MALRD1: variants seen among roughly 807,000 people sequenced by gnomAD.
MALRD1 encodes MAM and LDL receptor class A domain containing 1.
In MALRD1, 247 loss-of-function variants were observed where a neutral mutation model predicts 242.1. The ratio of observed to expected loss-of-function variants is 1.02; its 90% CI spans 0.92 to 1.13. The LOEUF (loss-of-function observed/expected upper bound fraction) is 1.13, where lower values mean the gene tolerates loss of function less well. Among genes scored for constraint, MALRD1 ranks in the 50% most tolerant of loss-of-function variants. The pLI is 0.00. For missense variants in MALRD1, 2,989 were observed against 2,533.1 expected, an observed-to-expected ratio of 1.18 and a Z score of -3.86; for synonymous variants, 995 against 866.6, an observed-to-expected ratio of 1.15 and a Z score of -2.60.
chr10:19,523,912 T>C (rs537088093), intron 31 of MALRD1, among the ~76,000 whole-genome samples: 2 of 152,318 alleles, frequency 1.3e-5, no homozygotes, highest in East Asian at 1.9e-4. Flanking sequence ...AAAGTGTTTT[T>C]ATTTAAGAGG....
chr10:19,662,772 T>G (rs1048790627), intron 36 of MALRD1, among the ~76,000 whole-genome samples: 1 of 152,048 alleles, frequency 6.6e-6, no homozygotes, highest in African/African-American at 2.4e-5. Context: ...CCCATGCCAA[T>G]TCCATAACAA....
intron 12 of MALRD1, among the ~76,000 whole-genome samples, chr10:19,156,577 A>C (rs1834156043): frequency 6.6e-6 from 1 of 151,740 alleles, no homozygotes; most frequent in African/African-American, 2.4e-5. Flanking sequence ...CAAATGTTAG[A>C]TATATAGAAA....
At chr10:19,714,771 G>A (rs1014237976) in intron 38 of MALRD1, among the ~76,000 whole-genome samples, 6 of 152,018 alleles carry the variant, frequency 3.9e-5, no homozygotes, top group South Asian at 2.1e-4. Context: ...CATGCGGATC[G>A]CATCTTTTAT....
intron 29 of MALRD1, among the ~76,000 whole-genome samples, chr10:19,465,882 C>G (rs535014653): frequency 6.6e-6 from 1 of 152,180 alleles, no homozygotes; most frequent in Non-Finnish European, 1.5e-5. Context: ...AAACCTAAAC[C>G]TTTCTTATAA....
intron 31 of MALRD1, among the ~76,000 whole-genome samples, chr10:19,502,657 A>G (rs138294641): frequency 6.6e-6 from 1 of 152,302 alleles, no homozygotes; most frequent in Non-Finnish European, 1.5e-5. Context: ...ATTTTCATTT[A>G]TTCTGCTAAG....
chr10:19,491,517 T>C lies in MALRD1; in HGVS notation c.5030T>C (p.Val1677Ala), dbSNP rs1018774107. 1.6e-5 allele frequency: 25 copies of C among 1,549,470 alleles called. No individual in the cohort carries two copies. Among genetic ancestry groups the C allele is most frequent in the Non-Finnish European group, 2.1e-5 (24 of 1,146,620 alleles). The change falls in exon 30 of 40, where the codon GTG becomes GCG. Residue 1677 changes from valine (V) to alanine (A), a missense_variant and splice_region_variant. Physicochemically the swap from Val to Ala is moderately conservative, Grantham distance 64. Transcript: ENST00000454679. The stretch of plus-strand genomic sequence containing the variant: ...CTTTTGTTTTTTTGTTTTTCCCTAG[T>C]GGGAGAGATCTCTGAGCTTTGTCCG... ...DDIEFKNCTTVGEISELCPEI... is the reference protein window; with the variant it reads ...DDIEFKNCTTAGEISELCPEI...
At chr10:19,242,477 A>G (rs1266069376) in intron 18 of MALRD1, among the ~76,000 whole-genome samples, 2 of 151,820 alleles carry the variant, frequency 1.3e-5, no homozygotes, top group Admixed American at 1.3e-4. Flanking sequence ...TTTTTGGTTG[A>G]TTTTCTCTTC....
chr10:19,675,645 A>G (rs995390710), intron 36 of MALRD1, among the ~76,000 whole-genome samples: 4 of 152,228 alleles, frequency 2.6e-5, no homozygotes, highest in African/African-American at 7.2e-5. Context: ...TAATTATTAA[A>G]TGAGATAATA....
intron 2 of MALRD1, among the ~76,000 whole-genome samples, chr10:19,068,838 T>G (rs1255793838): frequency 6.6e-6 from 1 of 152,180 alleles, no homozygotes; most frequent in Non-Finnish European, 1.5e-5. Flanking sequence ...TTTCATTATG[T>G]AACCAATGCC....
intron 19 of MALRD1, among the ~76,000 whole-genome samples, chr10:19,271,647 C>A (rs941320795): frequency 6.6e-6 from 1 of 152,062 alleles, no homozygotes; most frequent in Non-Finnish European, 1.5e-5. Flanking sequence ...CCTGTAGTCC[C>A]AGCTACTTGG....
chr10:19,513,438 T>C (rs1833490615), intron 31 of MALRD1, among the ~76,000 whole-genome samples: 1 of 151,824 alleles, frequency 6.6e-6, no homozygotes, highest in Admixed American at 6.6e-5. Flanking sequence ...TTTTTTTTTT[T>C]TTTGAAAATT....
intron 18 of MALRD1, among the ~76,000 whole-genome samples, chr10:19,256,961 C>T (rs1456777366): frequency 6.6e-6 from 1 of 152,036 alleles, no homozygotes; most frequent in Non-Finnish European, 1.5e-5. Flanking sequence ...AAGACATTTG[C>T]ATAAGTATTA....
chr10:19,345,464 T>C (rs1844074527), intron 24 of MALRD1, among the ~76,000 whole-genome samples: 1 of 152,130 alleles, frequency 6.6e-6, no homozygotes, highest in South Asian at 2.1e-4. Flanking sequence ...TTCATTATTA[T>C]TTTCCTGACA....
intron 12 of MALRD1, among the ~76,000 whole-genome samples, chr10:19,162,702 A>G (rs1232208347): frequency 1.3e-5 from 2 of 152,216 alleles, no homozygotes; most frequent in South Asian, 2.1e-4. Flanking sequence ...GTATGCTTAT[A>G]CACTGTTGAT....
At chr10:19,265,692 C>A (rs1361938133) in intron 19 of MALRD1, among the ~76,000 whole-genome samples, 2 of 152,016 alleles carry the variant, frequency 1.3e-5, no homozygotes, top group African/African-American at 2.4e-5. Context: ...GTGTATTCTG[C>A]TGCTGTTGAA....
At chr10:19,510,243 C>G (rs539245903) in intron 31 of MALRD1, among the ~76,000 whole-genome samples, 3 of 152,334 alleles carry the variant, frequency 2.0e-5, no homozygotes, top group African/African-American at 7.2e-5. Flanking sequence ...TACACTGAGA[C>G]ATTCCATTGC....
intron 28 of MALRD1, among the ~76,000 whole-genome samples, chr10:19,430,103 C>G (rs1220018780): frequency 5.2e-5 from 6 of 116,130 alleles, no homozygotes; most frequent in Non-Finnish European, 1.0e-4. Context: ...TGGAATTTCT[C>G]CATTTTCCTT....
At chr10:19,362,253 A>G (rs939546402) in intron 26 of MALRD1, among the ~76,000 whole-genome samples, 3 of 152,122 alleles carry the variant, frequency 2.0e-5, no homozygotes, top group Non-Finnish European at 4.4e-5. Context: ...TCACTCTGCT[A>G]TGGAAACCAC....
Position 19,280,042 on chromosome 10 carries a change from T to A in MALRD1, c.3080-5T>A. 6.7e-7 allele frequency: 1 copy of A among 1,488,480 alleles called. No homozygotes were observed. Among genetic ancestry groups the A allele is most frequent in the South Asian group, 1.4e-5 (1 of 73,614 alleles). 92.2% of individuals were successfully genotyped at this position (1,488,480 alleles called of 1,614,324 possible). ...AATGATGCCTGTATATTATTTCTTA[T>A]CAAGGTAATTTGCCAGCAGACCTCC... On this transcript the variant is annotated splice_polypyrimidine_tract_variant and splice_region_variant and intron_variant, in intron 19 of 39. Transcript: ENST00000454679.
Sources: gnomAD v4.1 joint callset for allele counts (sites outside exome capture counted in the v4.1 genomes callset) on GRCh38, gnomAD v4.1.1 for gene constraint, MANE v1.5 for transcripts, NCBI Gene and HGNC (gene_info 2026-07-23, HGNC 2026-07-21) for gene names.